The following HIKESHI variants were observed in gnomAD, a reference collection of about 807,000 sequenced individuals.
HIKESHI encodes the protein protein Hikeshi.
In HIKESHI, 13 loss-of-function variants were observed where a neutral mutation model predicts 25.7. The observed-to-expected ratio is 0.51, with a 90% CI of 0.33 to 0.80. The LOEUF is 0.80. Ranked by LOEUF, HIKESHI falls within the 30% of genes least tolerant of loss-of-function variation. The pLI is 0.02. For synonymous variants in HIKESHI, 76 were observed against 78.7 expected (o/e 0.97, Z 0.18); for missense variants, 174 against 229.5 (o/e 0.76, Z 1.56).
intron 3 of HIKESHI, among the ~76,000 whole-genome samples, chr11:86,340,803 C>G (rs1017524020): frequency 6.6e-6 from 1 of 152,104 alleles, no homozygotes; most frequent in Admixed American, 6.6e-5. Flanking sequence ...TGCCACCAGG[C>G]CTGGCTAATT....
chr11:86,317,220 A>G (rs1947010791), intron 2 of HIKESHI, among the ~76,000 whole-genome samples: 1 of 152,156 alleles, frequency 6.6e-6, no homozygotes, highest in South Asian at 2.1e-4. Flanking sequence ...CTCACAAGGA[A>G]TGAGATAATT....
At chr11:86,311,244 T>C (rs1311808038) in intron 2 of HIKESHI, among the ~76,000 whole-genome samples, 2 of 152,200 alleles carry the variant, frequency 1.3e-5, no homozygotes, top group African/African-American at 4.8e-5. Context: ...CAGAGCCTGT[T>C]ATTGGTCTAT....
chr11:86,320,490 C>A (rs534533074), intron 2 of HIKESHI, among the ~76,000 whole-genome samples: 2 of 152,188 alleles, frequency 1.3e-5, no homozygotes, highest in Admixed American at 1.3e-4. Context: ...GCAGGAGAAT[C>A]GTTTGAACCT....
chr11:86,325,980 C>T (rs192225454), intron 2 of HIKESHI, among the ~76,000 whole-genome samples: 2 of 152,066 alleles, frequency 1.3e-5, no homozygotes, highest in Admixed American at 1.3e-4. Flanking sequence ...TGGTTTTAGT[C>T]TGTAATGTGG....
At position 86,309,738 on chromosome 11, in the gene HIKESHI, A is replaced by C. The variant is rs1469401454; in HGVS notation, c.268+3256A>C. On this transcript the variant is annotated intron_variant, in intron 2 of 4. Transcript: ENST00000278483. ...GTAAGTCTTTAATCTATCCTGAATTAATTTTTGTATAAGGTATAAGAAAGG... is the reference window on the plus strand; with the variant it reads ...GTAAGTCTTTAATCTATCCTGAATTCATTTTTGTATAAGGTATAAGAAAGG... Among the ~76,000 whole-genome samples the C allele has an allele frequency of 2.0e-5, 3 of 152,214 alleles. No individual in the cohort carries two copies. The South Asian group carries it at 6.2e-4, about 32-fold the overall frequency.
chr11:86,314,788 G>A (rs949015303), intron 2 of HIKESHI, among the ~76,000 whole-genome samples: 5 of 152,076 alleles, frequency 3.3e-5, no homozygotes, highest in African/African-American at 7.2e-5. Flanking sequence ...AAATCCCTAC[G>A]GCTATGGTTC....
At chr11:86,328,518 C>T (rs1212290816) in intron 2 of HIKESHI, among the ~76,000 whole-genome samples, 2 of 150,900 alleles carry the variant, frequency 1.3e-5, no homozygotes, top group Non-Finnish European at 2.9e-5. Context: ...GTTGTATGCT[C>T]ACTGCAACCT....
intron 1 of HIKESHI, among the ~76,000 whole-genome samples, chr11:86,305,586 A>G (rs186439656): frequency 2.7e-5 from 4 of 150,268 alleles, no homozygotes; most frequent in Non-Finnish European, 4.4e-5. Flanking sequence ...GGGTTTCTCC[A>G]TGTTGGCCAG....
chr11:86,302,633 C>T (rs1159778168), intron 1 of HIKESHI, among the ~76,000 whole-genome samples, 155 bp downstream of exon 1: 1 of 152,224 alleles, frequency 6.6e-6, no homozygotes, highest in Non-Finnish European at 1.5e-5. Context: ...GCTGGGTGCT[C>T]TCCTTTGCCC....
chr11:86,302,527 C>A (rs774539185), intron 1 of HIKESHI, 49 bp downstream of exon 1: 1 of 1,539,760 alleles, frequency 6.5e-7, no homozygotes, highest in Non-Finnish European at 8.8e-7. Context: ...ATACCGAGGG[C>A]GAAGCCCTAC....
intron 2 of HIKESHI, among the ~76,000 whole-genome samples, chr11:86,316,771 C>CTTTTTTTTTTTTTTTT (rs71040229): frequency 2.0e-4 from 14 of 68,790 alleles, no homozygotes; most frequent in Non-Finnish European, 3.2e-4. Flanking sequence ...CTGAAACATT[C>CTTTTTTTTTTTTTTTT]TTTTTTTTTT....
intron 4 of HIKESHI, 51 bp from the exon 5 acceptor site, chr11:86,345,533 A>G (rs759174706): frequency 2.3e-5 from 24 of 1,039,978 alleles, no homozygotes; most frequent in Admixed American, 4.5e-5. Flanking sequence ...TTAATGAAAG[A>G]TCCTATTTTA....
At chr11:86,311,742 A>C (rs1946841236) in intron 2 of HIKESHI, among the ~76,000 whole-genome samples, 1 of 152,016 alleles carries the variant, frequency 6.6e-6, no homozygotes, top group African/African-American at 2.4e-5. Flanking sequence ...TGTGTCCCAG[A>C]GTTTCTGGTA....
chr11:86,303,756 C>T (rs912331642), intron 1 of HIKESHI, among the ~76,000 whole-genome samples: 7 of 152,136 alleles, frequency 4.6e-5, no homozygotes, highest in African/African-American at 1.7e-4. Context: ...CTTAACTACA[C>T]GACTCTGTTA....
At chr11:86,304,713 G>T (rs1050491918) in intron 1 of HIKESHI, among the ~76,000 whole-genome samples, 4 of 151,930 alleles carry the variant, frequency 2.6e-5, no homozygotes, top group African/African-American at 9.7e-5. Flanking sequence ...ACTACGTTTC[G>T]CCATGTTGGC....
chr11:86,315,155 C>A (rs796454454), intron 2 of HIKESHI, among the ~76,000 whole-genome samples: 2 of 152,208 alleles, frequency 1.3e-5, no homozygotes, highest in African/African-American at 4.8e-5. Context: ...TAATTCAGTA[C>A]ATTCTAGTAA....
chr11:86,311,391 G>GT, intron 2 of HIKESHI, among the ~76,000 whole-genome samples: 1 of 152,256 alleles, frequency 6.6e-6, no homozygotes, highest in East Asian at 1.9e-4. Context: ...GTATTTCTGT[G>GT]GGATCGGTGG....
At chr11:86,342,416 G>T (rs1479664620) in intron 3 of HIKESHI, among the ~76,000 whole-genome samples, 2 of 151,836 alleles carry the variant, frequency 1.3e-5, no homozygotes, top group African/African-American at 2.4e-5. Context: ...TTGTGGATTT[G>T]TGGGTTTTTT....
At chr11:86,335,803 C>T (rs560722430) in intron 2 of HIKESHI, among the ~76,000 whole-genome samples, 2 of 152,122 alleles carry the variant, frequency 1.3e-5, no homozygotes, top group African/African-American at 2.4e-5. Context: ...AACAACAAAC[C>T]CCTAGAAGGT....
Sources: allele counts gnomAD v4.1 joint callset (sites outside exome capture counted in the v4.1 genomes callset), GRCh38; gene constraint gnomAD v4.1.1; transcripts MANE v1.5; gene names NCBI Gene and HGNC (gene_info 2026-07-23, HGNC 2026-07-21).